IQGAP1: variants seen among roughly 807,000 people sequenced by gnomAD.
The protein encoded by IQGAP1 is IQ motif containing GTPase activating protein 1, also known as ras GTPase-activating-like protein IQGAP1.
In IQGAP1, 66 loss-of-function variants were observed where a neutral mutation model predicts 215.6. The observed-to-expected ratio is 0.31, with a 90% CI of 0.25 to 0.38. The LOEUF is 0.38. Among genes scored for constraint, IQGAP1 ranks in the 10% least tolerant of loss-of-function variants. IQGAP1 has a pLI of 1.00. For missense variants in IQGAP1, 1,712 were observed against 1,997.1 expected, an observed-to-expected ratio of 0.86 and a Z score of 2.72; for synonymous variants, 772 against 728.7, an observed-to-expected ratio of 1.06 and a Z score of -0.96.
chr15:90,445,704 A>G (rs1193953498), intron 9 of IQGAP1, among the ~76,000 whole-genome samples: 1 of 152,240 alleles, frequency 6.6e-6, no homozygotes, highest in Non-Finnish European at 1.5e-5. Context: ...CATAACAATA[A>G]TAATAGTAAT....
chr15:90,388,976 C>G (rs922134924), intron 1 of IQGAP1, among the ~76,000 whole-genome samples: 1 of 152,164 alleles, frequency 6.6e-6, no homozygotes, highest in African/African-American at 2.4e-5. Flanking sequence ...AATCCTCTGA[C>G]TTCCTCATTT....
At chr15:90,411,674 A>G (rs1409082649) in intron 2 of IQGAP1, among the ~76,000 whole-genome samples, 2 of 152,224 alleles carry the variant, frequency 1.3e-5, no homozygotes, top group African/African-American at 4.8e-5. Flanking sequence ...CTCACAGGTT[A>G]GTAATGATTA....
intron 2 of IQGAP1, chr15:90,393,415 T>A (rs994837978): frequency 2.0e-5 from 3 of 151,872 alleles, no homozygotes; most frequent in African/African-American, 7.3e-5. Flanking sequence ...AAATGCTACA[T>A]AAATAGTTGT....
At chr15:90,397,323 C>A (rs1964736284) in intron 2 of IQGAP1, among the ~76,000 whole-genome samples, 1 of 152,006 alleles carries the variant, frequency 6.6e-6, no homozygotes, top group African/African-American at 2.4e-5. Flanking sequence ...AGATATCTTG[C>A]CACAGTGAAA....
chr15:90,456,657 C>G (rs1476166259), intron 15 of IQGAP1, among the ~76,000 whole-genome samples: 1 of 151,242 alleles, frequency 6.6e-6, no homozygotes, highest in African/African-American at 2.4e-5. Flanking sequence ...AGGCAGATCC[C>G]TTGAGGCCAG....
intron 1 of IQGAP1, among the ~76,000 whole-genome samples, chr15:90,389,331 C>T (rs1046996100): frequency 1.4e-5 from 2 of 144,420 alleles, no homozygotes; most frequent in Non-Finnish European, 3.0e-5. Context: ...AGTATGAGCA[C>T]GGGAGGTGAC....
chr15:90,485,430 G>GTGTT (rs1037130412), intron 30 of IQGAP1, among the ~76,000 whole-genome samples: 8 of 151,874 alleles, frequency 5.3e-5, no homozygotes, highest in Admixed American at 2.0e-4. Flanking sequence ...TGGGTTTTTT[G>GTGTT]TGTTTGTTTG....
intron 37 of IQGAP1, among the ~76,000 whole-genome samples, chr15:90,498,466 A>G (rs1448813732): frequency 6.6e-6 from 1 of 151,974 alleles, no homozygotes; most frequent in East Asian, 1.9e-4. Context: ...TTTTATTTTT[A>G]AATTTTTTAA....
intron 2 of IQGAP1, among the ~76,000 whole-genome samples, chr15:90,395,599 C>T (rs908154673): frequency 2.0e-5 from 3 of 152,190 alleles, no homozygotes; most frequent in South Asian, 2.1e-4. Context: ...GGATTACAGG[C>T]GTGAGCCACT....
At chr15:90,482,404 G>T in intron 28 of IQGAP1, 123 bp downstream of exon 28, 1 of 883,054 alleles carries the variant, frequency 1.1e-6, no homozygotes, top group East Asian at 2.6e-5. Context: ...CATTGATTGT[G>T]AGCTTTTGAA....
chr15:90,483,806 G>T (rs1966090341), intron 29 of IQGAP1, among the ~76,000 whole-genome samples: 2 of 152,164 alleles, frequency 1.3e-5, no homozygotes, highest in Admixed American at 6.5e-5. Context: ...GAAATAGATA[G>T]TAGTTAACAT....
chr15:90,388,749 GT>G (rs539627940), intron 1 of IQGAP1, among the ~76,000 whole-genome samples: 217 of 152,330 alleles, frequency 1.4e-3, no homozygotes, highest in African/African-American at 5.0e-3. Context: ...GGGATTGGGG[GT>G]CTGGGTACGC....
At chr15:90,481,690 G>A (rs1966061763) in intron 26 of IQGAP1, among the ~76,000 whole-genome samples, 1 of 152,172 alleles carries the variant, frequency 6.6e-6, no homozygotes, top group African/African-American at 2.4e-5. Flanking sequence ...GCTCCCACCA[G>A]ACTGTAAAAG....
At chr15:90,481,269 C>CT (rs57452745) in intron 26 of IQGAP1, among the ~76,000 whole-genome samples, 5,855 of 112,864 alleles carry the variant, frequency 0.052, 390 homozygotes, top group Middle Eastern at 0.094. Flanking sequence ...CTCTCTGCCT[C>CT]TTTTTTTTTT....
At chr15:90,393,027 G>A (rs892267444) in intron 2 of IQGAP1, among the ~76,000 whole-genome samples, 5 of 151,792 alleles carry the variant, frequency 3.3e-5, no homozygotes, top group Admixed American at 2.6e-4. Context: ...TTACAAACGT[G>A]AGCTGCTGTG....
At chr15:90,437,534 T>A (rs1965386877) in intron 5 of IQGAP1, among the ~76,000 whole-genome samples, 1 of 152,068 alleles carries the variant, frequency 6.6e-6, no homozygotes, top group Non-Finnish European at 1.5e-5. Context: ...TTATTAGTTA[T>A]TTTGCTTTGG....
intron 5 of IQGAP1, among the ~76,000 whole-genome samples, chr15:90,437,377 A>C (rs574314415): frequency 2.0e-5 from 3 of 152,288 alleles, no homozygotes; most frequent in Non-Finnish European, 4.4e-5. Flanking sequence ...ACTTTCTTAA[A>C]ATTTCTTGTT....
intron 6 of IQGAP1, among the ~76,000 whole-genome samples, chr15:90,439,634 A>G (rs948742587): frequency 1.3e-5 from 2 of 151,424 alleles, no homozygotes; most frequent in African/African-American, 4.9e-5. Context: ...GTTTTCTTAT[A>G]TGTAAATTGG....
intron 13 of IQGAP1, among the ~76,000 whole-genome samples, chr15:90,453,737 C>T (rs951454542): frequency 1.3e-5 from 2 of 152,128 alleles, no homozygotes; most frequent in Non-Finnish European, 1.5e-5. Context: ...AGGGATGGGA[C>T]CAATTGCCTA....
Sources: allele counts gnomAD v4.1 joint callset (sites outside exome capture counted in the v4.1 genomes callset), GRCh38; gene constraint gnomAD v4.1.1; transcripts MANE v1.5; gene names NCBI Gene and HGNC (gene_info 2026-07-23, HGNC 2026-07-21).